The following KIF6 variants were observed in gnomAD, a reference collection of about 807,000 sequenced individuals.
The protein encoded by KIF6 is kinesin-like protein KIF6.
A neutral mutation model predicts 112.7 loss-of-function variants in KIF6; 106 were observed. That is an observed-to-expected ratio of 0.94 (90% CI 0.80 to 1.11). KIF6 has a LOEUF of 1.11. KIF6 is among the 50% of genes least tolerant of loss of function. KIF6 has a pLI of 0.00. For synonymous variants in KIF6, 339 were observed against 339.9 expected (o/e 1.00, Z 0.03); for missense variants, 929 against 964.0 (o/e 0.96, Z 0.48).
At chr6:39,371,757 C>T (rs956963113) in intron 16 of KIF6, among the ~76,000 whole-genome samples, 3 of 152,098 alleles carry the variant, frequency 2.0e-5, no homozygotes, top group Non-Finnish European at 4.4e-5. Context: ...GACCCTGACC[C>T]ATATAGATTC....
intron 13 of KIF6, among the ~76,000 whole-genome samples, chr6:39,472,625 C>G (rs1774183189): frequency 6.6e-6 from 1 of 152,158 alleles, no homozygotes. Flanking sequence ...AATATAAAAA[C>G]ATATTCCAAT....
chr6:39,693,861 A>T (rs543776902), intron 3 of KIF6, among the ~76,000 whole-genome samples: 1 of 152,250 alleles, frequency 6.6e-6, no homozygotes, highest in East Asian at 1.9e-4. Flanking sequence ...GCAAAGACAC[A>T]ACAAAAAAGA....
chr6:39,565,660 C>T (rs2150605646), intron 10 of KIF6, among the ~76,000 whole-genome samples: 1 of 152,302 alleles, frequency 6.6e-6, no homozygotes, highest in East Asian at 1.9e-4. Context: ...TACCTCAAAA[C>T]AAAGCAAAAC....
intron 7 of KIF6, among the ~76,000 whole-genome samples, chr6:39,590,451 A>ATATATTTTTTT (rs1338373703): frequency 1.2e-5 from 1 of 84,778 alleles, no homozygotes; most frequent in African/African-American, 5.1e-5. Flanking sequence ...ATATATATAT[A>ATATATTTTTTT]TTTTTTTTTT....
At chr6:39,603,680 C>T (rs1339331122) in intron 6 of KIF6, among the ~76,000 whole-genome samples, 1 of 151,818 alleles carries the variant, frequency 6.6e-6, no homozygotes, top group East Asian at 1.9e-4. Flanking sequence ...ACATAATATG[C>T]TCTTGTGGAT....
intron 13 of KIF6, among the ~76,000 whole-genome samples, chr6:39,506,101 C>T (rs1426110154): frequency 2.6e-5 from 4 of 152,182 alleles, no homozygotes; most frequent in African/African-American, 7.2e-5. Context: ...ATGGAATCAA[C>T]TTAATGCTCA....
chr6:39,434,501 G>A (rs1771389000), intron 13 of KIF6, among the ~76,000 whole-genome samples: 1 of 152,044 alleles, frequency 6.6e-6, no homozygotes, highest in Non-Finnish European at 1.5e-5. Flanking sequence ...AACCCAGGAG[G>A]CAGAGGTTGC....
At chr6:39,476,689 T>C (rs1185669514) in intron 13 of KIF6, among the ~76,000 whole-genome samples, 2 of 152,204 alleles carry the variant, frequency 1.3e-5, no homozygotes, top group Admixed American at 6.5e-5. Context: ...CAAGAACTCA[T>C]GGAAAAGAGG....
chr6:39,584,459 A>AAAAAAAAC (rs1561836472), intron 9 of KIF6, among the ~76,000 whole-genome samples: 1 of 128,594 alleles, frequency 7.8e-6, no homozygotes, highest in Admixed American at 8.1e-5. Context: ...AAAAAAAAAA[A>AAAAAAAAC]AGACTATTAT....
chr6:39,502,502 C>G (rs536225405), intron 13 of KIF6, among the ~76,000 whole-genome samples: 191 of 152,244 alleles, frequency 1.3e-3, no homozygotes, highest in African/African-American at 4.3e-3. Context: ...CAATACTAAC[C>G]TTAAGTGCAA....
chr6:39,377,855 C>T (rs552447599), intron 16 of KIF6, among the ~76,000 whole-genome samples: 45 of 152,100 alleles, frequency 3.0e-4, no homozygotes, highest in Middle Eastern at 6.8e-3. Context: ...GCATCACAGT[C>T]GAATGGCTTG....
At chr6:39,349,629 CTCTTTTTTTTTT>C (rs1764068199) in intron 19 of KIF6, among the ~76,000 whole-genome samples, 1 of 98,166 alleles carries the variant, frequency 1.0e-5, no homozygotes, top group African/African-American at 4.7e-5. Flanking sequence ...TAATTTGTGG[CTCTTTTTTTTTT>C]TTTTTTTTTT....
intron 19 of KIF6, among the ~76,000 whole-genome samples, chr6:39,347,870 C>T (rs1763928827): frequency 6.6e-6 from 1 of 152,250 alleles, no homozygotes; most frequent in Non-Finnish European, 1.5e-5. Flanking sequence ...AGAAAAGACA[C>T]CAGAGCCTGG....
intron 10 of KIF6, among the ~76,000 whole-genome samples, chr6:39,576,607 C>G (rs779424211): frequency 3.3e-4 from 50 of 152,310 alleles, no homozygotes; most frequent in African/African-American, 9.6e-4. Context: ...AGTGTCTCGA[C>G]TAGCACCTGT....
intron 13 of KIF6, among the ~76,000 whole-genome samples, chr6:39,448,477 A>C (rs372588305): frequency 2.6e-5 from 4 of 152,174 alleles, no homozygotes; most frequent in South Asian, 4.2e-4. Context: ...GCCCGGCCAA[A>C]ATATGTTGTA....
intron 3 of KIF6, among the ~76,000 whole-genome samples, chr6:39,666,061 A>G (rs1786446204): frequency 6.6e-6 from 1 of 152,222 alleles, no homozygotes; most frequent in Admixed American, 6.5e-5. Context: ...AAAATCTGGA[A>G]TGTCATCAGC....
intron 13 of KIF6, among the ~76,000 whole-genome samples, chr6:39,491,692 T>C (rs946302977): frequency 1.5e-4 from 23 of 152,144 alleles, no homozygotes; most frequent in Admixed American, 1.2e-3. Flanking sequence ...GAAGACAGTG[T>C]TAGCAGAAGC....
At chr6:39,461,976 T>C (rs2150424531) in intron 13 of KIF6, among the ~76,000 whole-genome samples, 1 of 152,148 alleles carries the variant, frequency 6.6e-6, no homozygotes, top group African/African-American at 2.4e-5. Flanking sequence ...ATGCTTAAAT[T>C]AATTAAAATG....
intron 19 of KIF6, 22 bp downstream of exon 19, chr6:39,357,255 C>T: frequency 3.3e-6 from 5 of 1,532,462 alleles, no homozygotes; most frequent in Non-Finnish European, 4.5e-6. Context: ...ACTCTAACAC[C>T]TCCGGTGAGT....
Sources: allele counts gnomAD v4.1 joint callset (sites outside exome capture counted in the v4.1 genomes callset), GRCh38; gene constraint gnomAD v4.1.1; transcripts MANE v1.5; gene names NCBI Gene and HGNC (gene_info 2026-07-23, HGNC 2026-07-21).